COLGALT2: variants seen among roughly 807,000 people sequenced by gnomAD.
The protein encoded by COLGALT2 is procollagen galactosyltransferase 2.
A neutral mutation model predicts 73.4 loss-of-function variants in COLGALT2; 49 were observed. That is an observed-to-expected ratio of 0.67 (90% CI 0.53 to 0.85). The LOEUF (loss-of-function observed/expected upper bound fraction) is 0.85, where lower values mean the gene tolerates loss of function less well. Among genes scored for constraint, COLGALT2 ranks in the 40% least tolerant of loss-of-function variants. The pLI is 0.00. For missense variants in COLGALT2, 722 were observed against 790.2 expected, an observed-to-expected ratio of 0.91 and a Z score of 1.03; for synonymous variants, 295 against 307.6, an observed-to-expected ratio of 0.96 and a Z score of 0.43.
At chr1:183,929,927 T>C (rs1047710818) in exon 12 of COLGALT2, 1 of 259,654 alleles carries the variant, frequency 3.9e-6, no homozygotes, top group African/African-American at 2.3e-5. Flanking sequence ...AACTCCTTAG[T>C]AGCTTTTCTC....
chr1:184,007,082 A>G (rs1249158664), intron 1 of COLGALT2, among the ~76,000 whole-genome samples: 2 of 152,254 alleles, frequency 1.3e-5, no homozygotes, highest in African/African-American at 4.8e-5. Flanking sequence ...AGATCAAAGC[A>G]GAGGCAGCAT....
chr1:183,963,203 A>T (rs1411014087), intron 6 of COLGALT2, among the ~76,000 whole-genome samples: 1 of 152,222 alleles, frequency 6.6e-6, no homozygotes, highest in East Asian at 1.9e-4. Context: ...AAGGACATGA[A>T]CTTTGGAGAT....
chr1:183,966,278 G>A (rs528752801), intron 5 of COLGALT2, among the ~76,000 whole-genome samples: 14 of 152,244 alleles, frequency 9.2e-5, no homozygotes, highest in Admixed American at 2.0e-4. Flanking sequence ...CTGCTTCTGG[G>A]GAAGACAATT....
Position 183,954,767 on chromosome 1 carries a change from C to T in COLGALT2, c.1024G>A (p.Asp342Asn). The T allele has an allele frequency of 6.2e-7, 1 of 1,611,936 alleles. No homozygotes were observed. Among genetic ancestry groups the T allele is most frequent in the Non-Finnish European group, 8.5e-7 (1 of 1,178,256 alleles). ...VPKYPDKMGF[D>N]EIFMINLKRR... The stretch of plus-strand genomic sequence containing the variant: ...CATATAGACACCTTTCCTACCTCAT[C>T]AAATCCCATCTTGTCTGGATATTTA... The change falls in exon 7 of 12, where the codon GAT becomes AAT. Residue 342 changes from aspartate (D) to asparagine (N), a missense_variant. Asp to Asn is a conservative substitution (Grantham distance 23). Transcript: ENST00000361927.
chr1:184,027,003 T>C (rs1649352792), intron 1 of COLGALT2, among the ~76,000 whole-genome samples: 1 of 152,196 alleles, frequency 6.6e-6, no homozygotes, highest in African/African-American at 2.4e-5. Flanking sequence ...AGGAGCTTCA[T>C]ACAGTGGGTA....
chr1:183,989,718 T>C lies in COLGALT2; in HGVS notation c.264-11198A>G, dbSNP rs1331030490. ...TTTGCTAACGACATCCTTAATCAAATAAAAAGTATGAAGTCAGGAGGCATG... is the reference window on the plus strand; with the variant it reads ...TTTGCTAACGACATCCTTAATCAAACAAAAAGTATGAAGTCAGGAGGCATG... On this transcript the variant is annotated intron_variant, in intron 1 of 11. Coordinates refer to ENST00000361927, the MANE Select transcript of COLGALT2 (RefSeq NM_015101.4). 2.6e-5 allele frequency among the ~76,000 whole-genome samples: 4 copies of C among 152,310 alleles called. No homozygotes were observed. In the East Asian group the frequency reaches 5.8e-4, roughly 22 times the overall value.
intron 8 of COLGALT2, chr1:183,946,328 T>C (rs1670248072): frequency 6.6e-6 from 1 of 152,020 alleles, no homozygotes; most frequent in South Asian, 2.1e-4. Context: ...GAATAAGAGG[T>C]CCATAGGGAG....
intron 2 of COLGALT2, among the ~76,000 whole-genome samples, chr1:183,977,880 AAAAG>A (rs764868414): frequency 5.9e-5 from 9 of 152,010 alleles, no homozygotes; most frequent in Non-Finnish European, 8.8e-5. Context: ...GAAAAGAAGG[AAAAG>A]AAAGAAAGAA....
chr1:183,995,935 A>C (rs1361479483), intron 1 of COLGALT2, among the ~76,000 whole-genome samples: 1 of 152,072 alleles, frequency 6.6e-6, no homozygotes, highest in Non-Finnish European at 1.5e-5. Flanking sequence ...CTTATATTCA[A>C]TCTCAACTGT....
intron 1 of COLGALT2, among the ~76,000 whole-genome samples, chr1:183,992,373 A>G (rs1271191906): frequency 6.6e-6 from 1 of 152,206 alleles, no homozygotes; most frequent in Non-Finnish European, 1.5e-5. Flanking sequence ...TAGAGGGTAA[A>G]TTCTAACTTT....
chr1:184,027,474 T>A (rs552871394), intron 1 of COLGALT2, among the ~76,000 whole-genome samples: 11 of 152,334 alleles, frequency 7.2e-5, no homozygotes, highest in Non-Finnish European at 7.3e-5. Context: ...CTCCAGGTAT[T>A]GTGATGCAAC....
In COLGALT2 at chr1:183,936,411, A is replaced by G. The variant is rs1669956528; in HGVS notation, c.*2350T>C. On this transcript the variant is annotated 3_prime_UTR_variant, in exon 12 of 12. Coordinates refer to ENST00000361927, the MANE Select transcript of COLGALT2 (RefSeq NM_015101.4). ...GGAGAAACAAACCGGGCTAAAGGAGACAGAACTTTCTTCACAGTAGAACAG... is the reference window on the plus strand; with the variant it reads ...GGAGAAACAAACCGGGCTAAAGGAGGCAGAACTTTCTTCACAGTAGAACAG... 1 of 986,296 alleles carries G rather than the reference A, an allele frequency of 1.0e-6. No homozygotes were observed. The highest frequency in any genetic ancestry group is 1.2e-6 in the Non-Finnish European group (1 of 830,288). The allele number at this position is 986,296 out of a possible 1,614,324, so 61.1% of individuals were successfully genotyped here. A position where few individuals can be genotyped will look rare whatever the true frequency, so the allele number is the denominator to read the frequency against.
intron 1 of COLGALT2, among the ~76,000 whole-genome samples, chr1:184,009,868 G>A (rs1172150482): frequency 2.6e-5 from 4 of 152,092 alleles, no homozygotes; most frequent in Admixed American, 2.6e-4. Context: ...TGTTCTGTAG[G>A]CATCACAGAT....
chr1:183,935,151 T>A (rs1218981788), downstream of COLGALT2, among the ~76,000 whole-genome samples: 1 of 152,182 alleles, frequency 6.6e-6, no homozygotes, highest in African/African-American at 2.4e-5. Context: ...CTCCAATTCA[T>A]CCTCCAAAAC....
chr1:183,990,850 A>G (rs2102829743), intron 1 of COLGALT2, among the ~76,000 whole-genome samples: 1 of 152,370 alleles, frequency 6.6e-6, no homozygotes, highest in South Asian at 2.1e-4. Flanking sequence ...GGCACAGGAC[A>G]CAGTGAAGAG....
At chr1:183,947,624 T>C (rs1670285919) in intron 8 of COLGALT2, among the ~76,000 whole-genome samples, 1 of 152,160 alleles carries the variant, frequency 6.6e-6, no homozygotes, top group South Asian at 2.1e-4. Context: ...TAGTTACAGC[T>C]GCAAATGTCT....
At chr1:184,001,484 T>A (rs1293647934) in intron 1 of COLGALT2, among the ~76,000 whole-genome samples, 1 of 152,198 alleles carries the variant, frequency 6.6e-6, no homozygotes, top group Admixed American at 6.5e-5. Flanking sequence ...AAGCTTCTCA[T>A]GTTTTCTTCC....
In COLGALT2 at chr1:183,969,437, G is replaced by T. The variant is rs373361853; in HGVS notation, c.664C>A (p.Arg222=). ...YKRTPDYVQI[R]EWKRTGCFPV... ...AAGCAGCCTGTCCTCTTCCATTCTC[G>T]AATCTGAACGTAGTCTGGGGTCCTC... The change falls in exon 5 of 12, where the codon CGA becomes AGA. Residue 222 remains arginine, a synonymous_variant. Transcript: ENST00000361927. The T allele has an allele frequency of 1.2e-5, 19 of 1,613,252 alleles. No individual in the cohort carries two copies. Among genetic ancestry groups the T allele is most frequent in the African/African-American group, 2.7e-5 (2 of 74,878 alleles).
chr1:183,931,782 C>A (rs890758380), downstream of COLGALT2, among the ~76,000 whole-genome samples: 10 of 144,476 alleles, frequency 6.9e-5, no homozygotes, highest in Non-Finnish European at 1.5e-4. Context: ...AAAAGGGTTA[C>A]CAATGCAGCA....
Sources: allele counts gnomAD v4.1 joint callset (sites outside exome capture counted in the v4.1 genomes callset), GRCh38; gene constraint gnomAD v4.1.1; transcripts MANE v1.5; gene names NCBI Gene and HGNC (gene_info 2026-07-23, HGNC 2026-07-21).